The following MBNL2 variants were observed in gnomAD, a reference collection of about 807,000 sequenced individuals.
MBNL2 encodes the protein muscleblind like splicing regulator 2.
A neutral mutation model predicts 41.9 loss-of-function variants in MBNL2; 17 were observed. That is an observed-to-expected ratio of 0.41 (90% CI 0.28 to 0.61). The LOEUF (loss-of-function observed/expected upper bound fraction) is 0.61. Among genes scored for constraint, MBNL2 ranks in the 20% least tolerant of loss-of-function variants. The pLI is 0.35. For synonymous variants in MBNL2, 195 were observed against 182.9 expected, an observed-to-expected ratio of 1.07 and a Z score of -0.53; for missense variants, 336 against 505.6, an observed-to-expected ratio of 0.66 and a Z score of 3.22.
chr13:97,226,882 AC>A (rs1365954782), intron 1 of MBNL2, among the ~76,000 whole-genome samples: 1 of 152,158 alleles, frequency 6.6e-6, no homozygotes, highest in Non-Finnish European at 1.5e-5. Flanking sequence ...ATACCAGCCA[AC>A]AACAGGAAGT....
upstream of MBNL2, chr13:97,222,289 G>T: frequency 2.5e-6 from 1 of 397,148 alleles, no homozygotes; most frequent in Admixed American, 4.4e-5. Context: ...CGGCTGGGAG[G>T]GATTTGTCGG....
chr13:97,295,101 A>T (rs2056815169), intron 2 of MBNL2, among the ~76,000 whole-genome samples: 1 of 152,224 alleles, frequency 6.6e-6, no homozygotes, highest in African/African-American at 2.4e-5. Context: ...GATTCGGAGA[A>T]GACATGATAG....
At chr13:97,222,248 G>A, upstream of MBNL2, 1 of 395,290 alleles carries the variant, frequency 2.5e-6, no homozygotes, top group East Asian at 3.6e-5. Flanking sequence ...GACGAGTAGG[G>A]CTGACGAGCT....
Position 97,334,154 on chromosome 13 carries a change from A to ACACACACC in MBNL2, c.175-115_175-114insCCACACAC, listed in dbSNP as rs1296253086. The ACACACACC allele has an allele frequency of 4.6e-5, 31 of 671,726 alleles. No individual in the cohort carries two copies. The highest frequency in any genetic ancestry group is 7.5e-5 in the Non-Finnish European group (30 of 401,272). 41.6% of individuals were successfully genotyped at this position (671,726 alleles called of 1,614,324 possible). A position where few individuals can be genotyped will look rare whatever the true frequency, so the allele number is the denominator to read the frequency against. ...TGAGCATGCGCGCGCACACCCACAC[A>ACACACACC]CACACACACACACACACACACAGGA... is the stretch of plus-strand genomic sequence containing the variant. On this transcript the variant is annotated intron_variant, in intron 2 of 8. Transcript: ENST00000679496. This position sits in a 1 kb window ranked among gnomAD's most constrained non-coding sequence, Gnocchi z 5.3.
intron 2 of MBNL2, among the ~76,000 whole-genome samples, chr13:97,309,438 T>C (rs986299856): frequency 6.6e-6 from 1 of 152,030 alleles, no homozygotes; most frequent in Non-Finnish European, 1.5e-5. Flanking sequence ...AAGTAGAAAT[T>C]TGGACACGGA....
the MBNL2 span, among the ~76,000 whole-genome samples, chr13:97,153,382 T>C: frequency 6.6e-6 from 1 of 152,066 alleles, no homozygotes; most frequent in African/African-American, 2.4e-5. Flanking sequence ...AAGTTTAGTC[T>C]TCTATAAAGA....
chr13:97,231,979 C>A (rs914012269), intron 1 of MBNL2, among the ~76,000 whole-genome samples: 2 of 152,126 alleles, frequency 1.3e-5, no homozygotes, highest in Admixed American at 1.3e-4. Context: ...ATGTAGATAG[C>A]GCCATTCTCT....
Position 97,299,893 on chromosome 13 carries a change from T to C in MBNL2, c.174+23484T>C, listed in dbSNP as rs1427442171. On this transcript the variant is annotated intron_variant, in intron 2 of 8. Transcript: ENST00000679496. The stretch of plus-strand genomic sequence containing the variant: ...GCTGTAATAAGAGACCCAACAATCA[T>C]ATGGCTTTTAACCATATGGCCTAAA... Among the ~76,000 whole-genome samples, 11 of 152,304 alleles carry C rather than the reference T, an allele frequency of 7.2e-5. No homozygotes were observed. In the East Asian group the frequency reaches 2.1e-3, roughly 29 times the overall value.
chr13:97,199,401 T>G, the MBNL2 span, among the ~76,000 whole-genome samples: 1 of 152,164 alleles, frequency 6.6e-6, no homozygotes, highest in South Asian at 2.1e-4. Context: ...CCTACTAGAA[T>G]GAAAGCTCCA....
At chr13:97,196,461 G>A in the MBNL2 span, among the ~76,000 whole-genome samples, 2 of 152,088 alleles carry the variant, frequency 1.3e-5, no homozygotes, top group Non-Finnish European at 2.9e-5. Flanking sequence ...AGAGGTGTAG[G>A]CATAGTAAAG....
chr13:97,262,826 C>T (rs534793977), intron 1 of MBNL2, among the ~76,000 whole-genome samples: 2 of 152,224 alleles, frequency 1.3e-5, no homozygotes, highest in African/African-American at 2.4e-5. Flanking sequence ...TGCAGTGGCA[C>T]GATCTCAGCT....
the MBNL2 span, among the ~76,000 whole-genome samples, chr13:97,164,654 G>A: frequency 4.6e-5 from 7 of 151,898 alleles, no homozygotes; most frequent in Non-Finnish European, 1.0e-4. Flanking sequence ...GTATATTAAT[G>A]TTTATATTAT....
At chr13:97,192,173 A>G in the MBNL2 span, among the ~76,000 whole-genome samples, 1 of 152,222 alleles carries the variant, frequency 6.6e-6, no homozygotes, top group Non-Finnish European at 1.5e-5. Context: ...ATACTGAAGC[A>G]GAAAGAATAT....
At chr13:97,203,644 G>A in the MBNL2 span, among the ~76,000 whole-genome samples, 6,050 of 152,108 alleles carry the variant, frequency 0.04, 387 homozygotes, top group African/African-American at 0.14. Context: ...GATTGATACC[G>A]TCAAGCACCG....
intron 1 of MBNL2, among the ~76,000 whole-genome samples, chr13:97,251,899 G>A (rs1184261206): frequency 3.6e-5 from 5 of 140,484 alleles, no homozygotes; most frequent in Middle Eastern, 3.9e-3. Context: ...GCCGGACTGC[G>A]GACTGCAGTG....
intron 1 of MBNL2, among the ~76,000 whole-genome samples, chr13:97,260,670 AC>A (rs2048444487): frequency 6.6e-6 from 1 of 152,172 alleles, no homozygotes; most frequent in South Asian, 2.1e-4. Context: ...AAGAAAGAAC[AC>A]AAATGTCACT....
At chr13:97,336,774 T>C (rs556563107) in intron 3 of MBNL2, among the ~76,000 whole-genome samples, 17 of 152,232 alleles carry the variant, frequency 1.1e-4, no homozygotes, top group Admixed American at 2.0e-4. Flanking sequence ...AATGGGTTTA[T>C]AGTAATTTAT....
chr13:97,332,215 G>T (rs1439851469), intron 2 of MBNL2, among the ~76,000 whole-genome samples: 4 of 152,238 alleles, frequency 2.6e-5, no homozygotes, highest in Non-Finnish European at 5.9e-5. Context: ...AGTTTGGAAT[G>T]AGGTTAGAGA....
intron 4 of MBNL2, among the ~76,000 whole-genome samples, chr13:97,343,508 G>A (rs1347670532): frequency 2.0e-5 from 3 of 152,170 alleles, no homozygotes; most frequent in Non-Finnish European, 4.4e-5. Context: ...CAATCATGAT[G>A]CAGCCCATAG....
Sources: allele counts gnomAD v4.1 joint callset (sites outside exome capture counted in the v4.1 genomes callset), GRCh38; gene constraint gnomAD v4.1.1; non-coding constraint Gnocchi (gnomAD v3.1); transcripts MANE v1.5; gene names NCBI Gene and HGNC (gene_info 2026-07-23, HGNC 2026-07-21).